Variants in MRPS27 observed in about 807,000 individuals in gnomAD.
MRPS27 encodes the protein small ribosomal subunit protein mS27.
In MRPS27, 43 loss-of-function variants were observed where a neutral mutation model predicts 48.9. The observed-to-expected ratio is 0.88, with a 90% CI of 0.69 to 1.13. MRPS27 has a LOEUF of 1.13. Among genes scored for constraint, MRPS27 ranks in the 50% most tolerant of loss-of-function variants. The pLI is 0.00. For synonymous variants in MRPS27, 188 were observed against 171.9 expected, an observed-to-expected ratio of 1.09 and a Z score of -0.73; for missense variants, 467 against 476.3, an observed-to-expected ratio of 0.98 and a Z score of 0.18.
rs1261559952 is a variant in MRPS27, at chr5:72,297,551, T to C, written c.222+81A>G. 8 of 804,550 alleles carry C rather than the reference T, an allele frequency of 9.9e-6. No individual in the cohort carries two copies. The Admixed American group carries it at 1.4e-4, about 14-fold the overall frequency. The allele number at this position is 804,550 out of a possible 1,614,324, so 49.8% of individuals were successfully genotyped here. On this transcript the variant is annotated intron_variant, in intron 3 of 10. Transcript: ENST00000261413. The stretch of plus-strand genomic sequence containing the variant: ...ATTTCCTATGCAAACTATTTTTTAT[T>C]TACACAGCCTCATCTACATGAAGGG...
chr5:72,286,316 G>C (rs1047238298), intron 4 of MRPS27, among the ~76,000 whole-genome samples: 2 of 152,058 alleles, frequency 1.3e-5, no homozygotes, highest in Admixed American at 1.3e-4. Flanking sequence ...AAAAGTTGAA[G>C]GGCTTACACT....
rs150917296 is a variant in MRPS27 at position 72,303,797 on chromosome 5, C to G, written c.152-6095G>C. On this transcript the variant is annotated intron_variant, in intron 2 of 10. Coordinates refer to ENST00000261413, the MANE Select transcript of MRPS27 (RefSeq NM_015084.3). ...GGTATGCTGGCATGTGCTTGTAGAC[C>G]CAGCTACTCAGGAGGCTGAGGTGGG... is the stretch of plus-strand genomic sequence containing the variant. Among the ~76,000 whole-genome samples the G allele has an allele frequency of 2.7e-3, 409 of 149,240 alleles. 2 individuals are homozygous for G. Among genetic ancestry groups the G allele is most frequent in the African/African-American group, 8.2e-3 (331 of 40,580 alleles).
chr5:72,281,450 T>C (rs2112034253), intron 4 of MRPS27, among the ~76,000 whole-genome samples: 1 of 152,320 alleles, frequency 6.6e-6, no homozygotes, highest in South Asian at 2.1e-4. Context: ...AGAAATATTT[T>C]TGACAGAAGA....
chr5:72,240,108 T>C (rs561837740), intron 4 of MRPS27, among the ~76,000 whole-genome samples: 1 of 152,334 alleles, frequency 6.6e-6, no homozygotes, highest in Admixed American at 6.5e-5. Flanking sequence ...ATTCCTGTAC[T>C]GACACAATTC....
intron 2 of MRPS27, among the ~76,000 whole-genome samples, chr5:72,301,870 C>A (rs1218292844): frequency 6.6e-6 from 1 of 152,224 alleles, no homozygotes. Context: ...GGGACAGCTG[C>A]GGCGTGCAGA....
chr5:72,298,143 C>G (rs1249479052), intron 2 of MRPS27, among the ~76,000 whole-genome samples: 1 of 152,184 alleles, frequency 6.6e-6, no homozygotes, highest in Admixed American at 6.5e-5. Context: ...CGACAAAGGT[C>G]TAACACCCAA....
chr5:72,293,294 TA>T (rs77853796), intron 4 of MRPS27, among the ~76,000 whole-genome samples: 1,747 of 137,296 alleles, frequency 0.013, 21 homozygotes, highest in African/African-American at 0.037. Context: ...ATTTCTGTCT[TA>T]AAAAAAAAAA....
chr5:72,283,331 G>A (rs919247842), intron 4 of MRPS27, among the ~76,000 whole-genome samples: 3 of 152,086 alleles, frequency 2.0e-5, no homozygotes, highest in Non-Finnish European at 2.9e-5. Flanking sequence ...CACACTGTTA[G>A]GAGGTTTCAA....
At chr5:72,255,123 C>T (rs1484059671) in intron 4 of MRPS27, among the ~76,000 whole-genome samples, 2 of 147,418 alleles carry the variant, frequency 1.4e-5, no homozygotes, top group African/African-American at 5.0e-5. Flanking sequence ...ACTGCAACCT[C>T]CACCTCCCAG....
intron 4 of MRPS27, among the ~76,000 whole-genome samples, chr5:72,246,618 A>C (rs1748518860): frequency 6.6e-6 from 1 of 152,206 alleles, no homozygotes; most frequent in African/African-American, 2.4e-5. Flanking sequence ...GAGAGACAAA[A>C]AGTTAATACT....
At chr5:72,279,810 T>C (rs1437251481) in intron 4 of MRPS27, among the ~76,000 whole-genome samples, 2 of 152,224 alleles carry the variant, frequency 1.3e-5, no homozygotes, top group Non-Finnish European at 2.9e-5. Context: ...CCCAGTGTTA[T>C]ACTACTATTA....
At chr5:72,263,046 C>A (rs1381629505) in intron 4 of MRPS27, among the ~76,000 whole-genome samples, 1 of 152,056 alleles carries the variant, frequency 6.6e-6, no homozygotes, top group Non-Finnish European at 1.5e-5. Flanking sequence ...AGAAAAAAAG[C>A]AAAAATGAAA....
intron 2 of MRPS27, among the ~76,000 whole-genome samples, chr5:72,304,870 C>T (rs988039346): frequency 2.0e-4 from 30 of 152,214 alleles, no homozygotes; most frequent in Admixed American, 9.2e-4. Flanking sequence ...ACACTAAACT[C>T]TTTCTGGGCT....
intron 4 of MRPS27, among the ~76,000 whole-genome samples, chr5:72,263,082 C>A (rs2112005056): frequency 6.6e-6 from 1 of 152,260 alleles, no homozygotes; most frequent in South Asian, 2.1e-4. Flanking sequence ...CACAAGGCAC[C>A]AGTTTTCATG....
At chr5:72,307,694 G>T (rs1392637659) in intron 2 of MRPS27, among the ~76,000 whole-genome samples, 2 of 151,958 alleles carry the variant, frequency 1.3e-5, no homozygotes, top group Non-Finnish European at 2.9e-5. Context: ...AATCTGTGGC[G>T]TTAGAAGTCA....
At chr5:72,248,942 C>T (rs758251769) in intron 4 of MRPS27, among the ~76,000 whole-genome samples, 1 of 152,208 alleles carries the variant, frequency 6.6e-6, no homozygotes, top group Non-Finnish European at 1.5e-5. Flanking sequence ...GTTTCTTAAA[C>T]ACCACAAGCT....
At chr5:72,319,537 CTTTTTTTT>C (rs35020848) in intron 1 of MRPS27, among the ~76,000 whole-genome samples, 1,007 of 84,260 alleles carry the variant, frequency 0.012, 6 homozygotes, top group East Asian at 0.03. Context: ...TAGGTTTTTC[CTTTTTTTT>C]TTTTTTTTTT....
At chr5:72,319,052 T>C (rs1402141640) in intron 1 of MRPS27, among the ~76,000 whole-genome samples, 3 of 152,182 alleles carry the variant, frequency 2.0e-5, no homozygotes, top group African/African-American at 7.2e-5. Flanking sequence ...CCTAAAGAAG[T>C]GCGTGCTTTT....
chr5:72,252,295 T>C (rs1283943602), intron 4 of MRPS27, among the ~76,000 whole-genome samples: 2 of 151,886 alleles, frequency 1.3e-5, no homozygotes, highest in Non-Finnish European at 2.9e-5. Context: ...TCTGAATGAA[T>C]ACTTATAAAA....
Sources: allele counts gnomAD v4.1 joint callset (sites outside exome capture counted in the v4.1 genomes callset), GRCh38; gene constraint gnomAD v4.1.1; transcripts MANE v1.5; gene names NCBI Gene and HGNC (gene_info 2026-07-23, HGNC 2026-07-21).